Variants in SLIT3 observed in about 807,000 individuals in gnomAD.
SLIT3 encodes slit guidance ligand 3, also known as slit homolog 3 protein.
A neutral mutation model predicts 184.0 loss-of-function variants in SLIT3; 68 were observed. That is an observed-to-expected ratio of 0.37 (90% CI 0.30 to 0.45). SLIT3 has a LOEUF of 0.45. Among genes scored for constraint, SLIT3 ranks in the 20% least tolerant of loss-of-function variants. SLIT3 has a pLI of 1.00. For synonymous variants in SLIT3, 831 were observed against 828.6 expected (o/e 1.00, Z -0.05); for missense variants, 1,707 against 2,026.0 (o/e 0.84, Z 3.02).
chr5:169,287,534 C>T (rs1197654862), intron 1 of SLIT3, among the ~76,000 whole-genome samples: 1 of 152,188 alleles, frequency 6.6e-6, no homozygotes, highest in Non-Finnish European at 1.5e-5. Context: ...GAGGTCCTCT[C>T]TGGTGACCTT....
At chr5:168,762,343 A>T (rs1038326745) in intron 15 of SLIT3, among the ~76,000 whole-genome samples, 196 bp downstream of exon 15, 1 of 152,146 alleles carries the variant, frequency 6.6e-6, no homozygotes, top group African/African-American at 2.4e-5. Flanking sequence ...GAAGGAATGA[A>T]CTGTCTTTAT....
At chr5:169,047,880 T>C (rs1201850458) in intron 4 of SLIT3, among the ~76,000 whole-genome samples, 1 of 152,140 alleles carries the variant, frequency 6.6e-6, no homozygotes, top group Non-Finnish European at 1.5e-5. Context: ...TTCTAGGTCC[T>C]GAGCAGCTCC....
intron 5 of SLIT3, among the ~76,000 whole-genome samples, chr5:168,849,538 G>C (rs1311059859): frequency 6.6e-6 from 1 of 152,190 alleles, no homozygotes; most frequent in Admixed American, 6.5e-5. Context: ...CAACAGTCAT[G>C]AAATCCAACA....
At chr5:169,153,885 C>T (rs1017079346) in intron 4 of SLIT3, among the ~76,000 whole-genome samples, 4 of 152,184 alleles carry the variant, frequency 2.6e-5, no homozygotes, top group East Asian at 1.9e-4. Context: ...CTACTTGGCC[C>T]CTTAGTTCAA....
intron 23 of SLIT3, among the ~76,000 whole-genome samples, chr5:168,716,444 C>T (rs1762733360): frequency 2.0e-5 from 3 of 152,156 alleles, no homozygotes. Context: ...ATTAAAAGAC[C>T]AGATGCCAGT....
At chr5:168,992,220 T>A (rs1755354267) in intron 4 of SLIT3, among the ~76,000 whole-genome samples, 1 of 152,176 alleles carries the variant, frequency 6.6e-6, no homozygotes, top group African/African-American at 2.4e-5. Flanking sequence ...AGACACTTCA[T>A]ACGGGCTGGT....
chr5:168,930,420 T>C (rs1348865622), intron 4 of SLIT3, among the ~76,000 whole-genome samples: 1 of 152,202 alleles, frequency 6.6e-6, no homozygotes, highest in Non-Finnish European at 1.5e-5. Context: ...TTTGAGGCTC[T>C]GAAGTCAGGC....
In SLIT3 at chr5:168,671,255, G is replaced by C. The variant is rs761479181; in HGVS notation, c.4070C>G (p.Pro1357Arg). The C allele has an allele frequency of 6.2e-7, 1 of 1,613,478 alleles. No homozygotes were observed. Among genetic ancestry groups the C allele is most frequent in the South Asian group, 1.1e-5 (1 of 91,058 alleles). The change falls in exon 34 of 36, where the codon CCA (proline) becomes CGA (arginine). Residue 1357 changes from proline (P) to arginine (R), a missense_variant. This residue lies in a region of SLIT3 where 387 missense variants were observed against 477.9 expected (regional missense o/e 0.81). Transcript: ENST00000519560. ...ATCGCAGAGTGGGCCGGTCCAGCCT[G>C]GGCGGCACTCGCACACCACGCTGTC... ...EKDSVVCECR[P>R]GWTGPLCDQE...
chr5:169,004,049 C>T (rs1755819453), intron 4 of SLIT3, among the ~76,000 whole-genome samples: 1 of 152,192 alleles, frequency 6.6e-6, no homozygotes, highest in South Asian at 2.1e-4. Context: ...TTCCTCTACT[C>T]TGCGCATGAA....
intron 4 of SLIT3, among the ~76,000 whole-genome samples, chr5:168,963,608 G>A (rs1208599195): frequency 6.6e-6 from 1 of 152,216 alleles, no homozygotes; most frequent in African/African-American, 2.4e-5. Flanking sequence ...GTGACCCCTG[G>A]ATTAGACTGT....
At chr5:169,102,402 C>T (rs1227810400) in intron 4 of SLIT3, among the ~76,000 whole-genome samples, 1 of 152,114 alleles carries the variant, frequency 6.6e-6, no homozygotes, top group East Asian at 1.9e-4. Flanking sequence ...ATCCCTAGGA[C>T]ACCAAAATCC....
chr5:168,844,721 C>A, intron 5 of SLIT3, 66 bp from the exon 6 acceptor site: 1 of 1,488,186 alleles, frequency 6.7e-7, no homozygotes, highest in South Asian at 1.1e-5. Context: ...GCGGCCCAGG[C>A]CACCCGAGCG....
rs779494573 is a variant in SLIT3 at position 168,686,974 on chromosome 5, C to T, written c.3314+5G>A. The T allele has an allele frequency of 6.2e-7, 1 of 1,613,220 alleles. No individual in the cohort carries two copies. The highest frequency in any genetic ancestry group is 8.5e-7 in the Non-Finnish European group (1 of 1,179,252). ...TCTCCTTCCTGAGGTGCCCTCCTGC[C>T]TTACCTGAAGCCCTGGGGGCAGGTG... is the stretch of plus-strand genomic sequence containing the variant. On this transcript the variant is annotated splice_donor_5th_base_variant and intron_variant, in intron 30 of 35. Coordinates refer to ENST00000519560, the MANE Select transcript of SLIT3 (RefSeq NM_003062.4).
chr5:168,790,607 T>C (rs574528599), intron 10 of SLIT3: 17 of 152,318 alleles, frequency 1.1e-4, no homozygotes, highest in African/African-American at 4.1e-4. Flanking sequence ...TCCAATTTCC[T>C]GCGACATCAA....
At chr5:168,679,397 C>T (rs547968381) in intron 32 of SLIT3, among the ~76,000 whole-genome samples, 1 of 152,150 alleles carries the variant, frequency 6.6e-6, no homozygotes, top group Admixed American at 6.5e-5. Context: ...ACGTGTTAAT[C>T]CCTTAGTAGA....
rs745443967 is a variant in SLIT3, at chr5:168,671,233, G to A, written c.4092C>T (p.Cys1364=). The A allele has an allele frequency of 8.1e-6, 13 of 1,611,708 alleles. No individual in the cohort carries two copies. The highest frequency in any genetic ancestry group is 2.2e-5 in the East Asian group (1 of 44,844). The change falls in exon 34 of 36, where the codon TGC becomes TGT. Residue 1364 remains cysteine (C), a synonymous_variant. Transcript: ENST00000519560. ...ECRPGWTGPL[C]DQEARDPCLG... is the part of the protein sequence containing the mutation. ...GGCAGGGGTCCCGGGCCTCCTGATC[G>A]CAGAGTGGGCCGGTCCAGCCTGGGC...
intron 33 of SLIT3, among the ~76,000 whole-genome samples, chr5:168,671,912 T>G (rs1761262282): frequency 6.6e-6 from 1 of 152,058 alleles, no homozygotes; most frequent in South Asian, 2.1e-4. Flanking sequence ...CCAGGGCAGG[T>G]GAGCTACAGC....
At chr5:169,013,869 T>G (rs1363714614) in intron 4 of SLIT3, among the ~76,000 whole-genome samples, 1 of 152,206 alleles carries the variant, frequency 6.6e-6, no homozygotes, top group Admixed American at 6.5e-5. Flanking sequence ...AGTGCCTGGT[T>G]TATAGATCTG....
chr5:169,188,655 A>G (rs1421331403), intron 4 of SLIT3, among the ~76,000 whole-genome samples: 1 of 152,186 alleles, frequency 6.6e-6, no homozygotes, highest in Non-Finnish European at 1.5e-5. Context: ...GCCCCAGCAT[A>G]CGCACTACTC....
Sources: gnomAD v4.1 joint callset for allele counts (sites outside exome capture counted in the v4.1 genomes callset) on GRCh38, gnomAD v4.1.1 for gene constraint, gnomAD v4.1.1 regional missense constraint, MANE v1.5 for transcripts, NCBI Gene and HGNC (gene_info 2026-07-23, HGNC 2026-07-21) for gene names.